Variants in AGAP3 observed in about 807,000 individuals in gnomAD.
AGAP3 encodes ArfGAP with GTPase domain, ankyrin repeat and PH domain 3, also known as arf-GAP with GTPase, ANK repeat and PH domain-containing protein 3.
In AGAP3, 24 loss-of-function variants were observed where a neutral mutation model predicts 96.9. That is an observed-to-expected ratio of 0.25 (90% CI 0.18 to 0.35). AGAP3 has a LOEUF of 0.35. Among genes scored for constraint, AGAP3 ranks in the 10% least tolerant of loss-of-function variants. The probability of loss-of-function intolerance (pLI) is 1.00; values close to 1 mark genes in which losing one functional copy is unlikely to be tolerated. For synonymous variants in AGAP3, 563 were observed against 536.1 expected (o/e 1.05, Z -0.69); for missense variants, 876 against 1,254.2 (o/e 0.70, Z 4.55).
chr7:151,116,926 TGCTTCTCCG>T, intron 2 of AGAP3, 75 bp downstream of exon 2: 3 of 1,588,816 alleles, frequency 1.9e-6, no homozygotes, highest in Non-Finnish European at 1.7e-6. Context: ...GCCTGGGCCT[TGCTTCTCCG>T]GCTTCTGTCC....
rs757721635 is a variant in AGAP3, at chr7:151,138,250, G to T, written c.1603G>T (p.Val535Phe). 6.2e-7 allele frequency: 1 copy of T among 1,612,822 alleles called. No individual in the cohort carries two copies. The highest frequency in any genetic ancestry group is 1.1e-5 in the South Asian group (1 of 91,034). ...PEGLHQRSCS[V>F]SSADQWSEAT... ...GGGGCTGCACCAGCGCTCCTGCTCC[G>T]TTTCCAGCGCCGACCAGTGGAGTGA... The change falls in exon 12 of 18, where the codon GTT (valine) becomes TTT (phenylalanine). Residue 535 changes from valine (V) to phenylalanine (F), a missense_variant. Around this residue, in one of 8 missense-constraint regions of AGAP3, gnomAD observed 155 missense variants for 144.4 expected, o/e 1.07. Transcript: ENST00000397238.
Position 151,086,942 on chromosome 7 carries a change from G to A in AGAP3, c.201G>A (p.Ala67=). 1 of 1,610,398 alleles carries A rather than the reference G, an allele frequency of 6.2e-7. No individual in the cohort carries two copies. The highest frequency in any genetic ancestry group is 1.1e-5 in the South Asian group (1 of 90,940). Residue 67 remains alanine (A), a synonymous_variant, in exon 1 of 18, where the codon GCG becomes GCA. Transcript: ENST00000397238. The stretch of plus-strand genomic sequence containing the variant: ...AGCAGTTCGCGCTCTCCAACTCCGC[G>A]GCCATCCGGGCCGAGATCCAGCGCT... The part of the protein sequence containing the change: ...PPQQFALSNS[A]AIRAEIQRFE...
At chr7:151,125,760 TG>T (rs1169432888) in intron 9 of AGAP3, among the ~76,000 whole-genome samples, 3 of 152,256 alleles carry the variant, frequency 2.0e-5, no homozygotes, top group African/African-American at 7.2e-5. Context: ...CAGCTCCTGC[TG>T]GGAGTGGAGA....
chr7:151,121,241 C>T (rs1007856594), intron 8 of AGAP3, among the ~76,000 whole-genome samples: 3 of 152,206 alleles, frequency 2.0e-5, no homozygotes, highest in African/African-American at 7.2e-5. Flanking sequence ...AACAGAGACT[C>T]TGTGCTGACG....
chr7:151,094,051 A>T (rs1287505117), intron 1 of AGAP3, among the ~76,000 whole-genome samples: 5 of 152,162 alleles, frequency 3.3e-5, no homozygotes, highest in Non-Finnish European at 2.9e-5. Context: ...GGAGCTGAGA[A>T]TCAGAAGAGA....
chr7:151,135,364 G>A (rs781701936), intron 11 of AGAP3, among the ~76,000 whole-genome samples: 1 of 152,200 alleles, frequency 6.6e-6, no homozygotes, highest in African/African-American at 2.4e-5. Flanking sequence ...AGCAGTCAGC[G>A]CTTGGCAGCA....
chr7:151,115,474 T>G (rs1408142629), intron 1 of AGAP3: 3 of 1,014,586 alleles, frequency 3.0e-6, no homozygotes, highest in African/African-American at 3.5e-5. Flanking sequence ...CGCGACCTGC[T>G]GGGCTCCGAC....
chr7:151,105,390 A>T (rs994025986), intron 1 of AGAP3, among the ~76,000 whole-genome samples: 1 of 152,172 alleles, frequency 6.6e-6, no homozygotes, highest in Non-Finnish European at 1.5e-5. Flanking sequence ...CATTATTTTG[A>T]TATTTTCTTG....
chr7:151,101,772 C>T (rs1021507766), intron 1 of AGAP3, among the ~76,000 whole-genome samples: 6 of 152,128 alleles, frequency 3.9e-5, no homozygotes, highest in Admixed American at 2.0e-4. Context: ...GCCAGTTCAA[C>T]GGGGCAGGAA....
rs566292782 is a variant in AGAP3 at position 151,098,637 on chromosome 7, C to A, written c.331+11565C>A. 5.7e-4 allele frequency among the ~76,000 whole-genome samples: 86 copies of A among 151,974 alleles called. 1 individual carries two copies. The South Asian group carries it at 0.016, about 29-fold the overall frequency. On this transcript the variant is annotated intron_variant, in intron 1 of 17. Transcript: ENST00000397238. ...CTACACTCCAGCCTGGGCGACAGAG[C>A]AAGACCAGTCTGTTTAAAAATAAAT...
chr7:151,126,633 C>T (rs536274866), intron 9 of AGAP3, among the ~76,000 whole-genome samples: 1 of 152,172 alleles, frequency 6.6e-6, no homozygotes, highest in Non-Finnish European at 1.5e-5. Flanking sequence ...TTCGAGCACG[C>T]TAGTCCCATG....
intron 1 of AGAP3, among the ~76,000 whole-genome samples, chr7:151,112,959 C>T (rs558717437): frequency 5.3e-4 from 81 of 152,242 alleles, no homozygotes; most frequent in Non-Finnish European, 9.9e-4. Context: ...GTCTCGGACT[C>T]CTGACCTCAG....
chr7:151,093,622 C>G (rs1004406559), intron 1 of AGAP3, among the ~76,000 whole-genome samples: 4 of 152,182 alleles, frequency 2.6e-5, no homozygotes, highest in Admixed American at 2.0e-4. Flanking sequence ...CTATTAACGA[C>G]TCTTTGCTGG....
intron 1 of AGAP3, among the ~76,000 whole-genome samples, chr7:151,091,320 G>A (rs1423526502): frequency 2.0e-5 from 3 of 152,370 alleles, no homozygotes; most frequent in East Asian, 1.9e-4. Flanking sequence ...TCTCATGGGG[G>A]CCTGGTTGCT....
intron 8 of AGAP3, chr7:151,120,661 T>C: frequency 7.8e-7 from 1 of 1,280,258 alleles, no homozygotes; most frequent in Non-Finnish European, 1.0e-6. Context: ...AATTCATGCT[T>C]TCCACCCACC....
intron 1 of AGAP3, among the ~76,000 whole-genome samples, chr7:151,097,244 G>A (rs1411260706): frequency 6.6e-6 from 1 of 151,942 alleles, no homozygotes; most frequent in Non-Finnish European, 1.5e-5. Context: ...AAGAAAAGAA[G>A]TTTAGGTCGG....
intron 11 of AGAP3, 154 bp from the exon 12 acceptor site, chr7:151,137,989 T>C: frequency 1.6e-6 from 1 of 639,106 alleles, no homozygotes; most frequent in East Asian, 2.8e-5. Context: ...CTGCGCAGCC[T>C]CTGGCTCTCC....
At chr7:151,122,803 C>T in intron 8 of AGAP3, 1 of 1,613,790 alleles carries the variant, frequency 6.2e-7, no homozygotes, top group Non-Finnish European at 8.5e-7. Flanking sequence ...CAGTTGGTGA[C>T]ACACAGCACC....
rs181912923 is a variant in AGAP3, at chr7:151,143,200, C to T, written c.2274-141C>T. The T allele has an allele frequency of 1.4e-3, 1,493 of 1,047,230 alleles. 17 individuals carry two copies. The African/African-American group carries it at 0.021, about 15-fold the overall frequency. 64.9% of individuals were successfully genotyped at this position (1,047,230 alleles called of 1,614,324 possible). ...GGAGTTTCCAAGGCTTCTCTCCTTCCTTTTTGCTCCATCTCATCTTCTCTC... is the reference window on the plus strand; with the variant it reads ...GGAGTTTCCAAGGCTTCTCTCCTTCTTTTTTGCTCCATCTCATCTTCTCTC... On this transcript the variant is annotated intron_variant, in intron 16 of 17. Coordinates refer to ENST00000397238, the MANE Select transcript of AGAP3 (RefSeq NM_031946.7). This position sits in a 1 kb window ranked among gnomAD's most constrained non-coding sequence, Gnocchi z 5.9.
Sources: allele counts gnomAD v4.1 joint callset (sites outside exome capture counted in the v4.1 genomes callset), GRCh38; gene constraint gnomAD v4.1.1; regional missense constraint gnomAD v4.1.1; non-coding constraint Gnocchi (gnomAD v3.1); transcripts MANE v1.5; gene names NCBI Gene and HGNC (gene_info 2026-07-23, HGNC 2026-07-21).